FHOD3: variants seen among roughly 807,000 people sequenced by gnomAD.
FHOD3 encodes the protein FH1/FH2 domain-containing protein 3.
FHOD3 carries 90 observed loss-of-function variants against 173.0 expected under a neutral mutation model. The observed-to-expected ratio is 0.52, with a 90% CI of 0.44 to 0.62. The LOEUF (loss-of-function observed/expected upper bound fraction) is 0.62, where lower values mean the gene tolerates loss of function less well. Among genes scored for constraint, FHOD3 ranks in the 20% least tolerant of loss-of-function variants. FHOD3 has a pLI of 0.00. For synonymous variants in FHOD3, 828 were observed against 823.0 expected, an observed-to-expected ratio of 1.01 and a Z score of -0.10; for missense variants, 1,945 against 2,034.7, an observed-to-expected ratio of 0.96 and a Z score of 0.85.
chr18:36,553,861 A>G (rs1351337957), intron 5 of FHOD3, among the ~76,000 whole-genome samples: 6 of 152,356 alleles, frequency 3.9e-5, no homozygotes, highest in Admixed American at 6.5e-5. Flanking sequence ...GAAGACATTT[A>G]TGCAGCCAAG....
intron 3 of FHOD3, among the ~76,000 whole-genome samples, chr18:36,414,985 A>G (rs529798200): frequency 6.6e-6 from 1 of 152,288 alleles, no homozygotes; most frequent in South Asian, 2.1e-4. Context: ...TCAGTAGCCA[A>G]GGGACCTGGC....
Position 36,602,653 on chromosome 18 carries a change from T to C in FHOD3, c.719-21T>C, listed in dbSNP as rs1187741432. The C allele has an allele frequency of 3.2e-6, 5 of 1,551,436 alleles. No individual in the cohort carries two copies. The East Asian group carries it at 1.1e-4, about 35-fold the overall frequency. ...AATGTTGATGAATTGCTGTTTCTAA[T>C]GATTTTTGCTTTACTCATAGGGGTC... On this transcript the variant is annotated intron_variant, in intron 7 of 28. Coordinates refer to ENST00000590592, the MANE Select transcript of FHOD3 (RefSeq NM_001281740.3).
At chr18:36,696,695 T>A (rs1165586429) in intron 17 of FHOD3, among the ~76,000 whole-genome samples, 1 of 152,174 alleles carries the variant, frequency 6.6e-6, no homozygotes, top group Non-Finnish European at 1.5e-5. Flanking sequence ...CTGACCCTCT[T>A]GTGGGCTTAG....
In FHOD3 at chr18:36,494,186, C is replaced by G. The variant is rs111228067; in HGVS notation, c.338-7746C>G. Among the ~76,000 whole-genome samples the G allele has an allele frequency of 6.9e-3, 1,057 of 152,242 alleles. 15 individuals carry two copies. Among genetic ancestry groups the G allele is most frequent in the African/African-American group, 0.023 (970 of 41,544 alleles). On this transcript the variant is annotated intron_variant, in intron 3 of 28. Coordinates refer to ENST00000590592, the MANE Select transcript of FHOD3 (RefSeq NM_001281740.3). ...TGGCTGAACAGGAAGCATAGCACCCCTTTGGCTGTACTTTTCAGCACTGAT... is the reference window on the plus strand; with the variant it reads ...TGGCTGAACAGGAAGCATAGCACCCGTTTGGCTGTACTTTTCAGCACTGAT...
chr18:36,410,719 C>G (rs1361599464), intron 3 of FHOD3, among the ~76,000 whole-genome samples: 1 of 152,166 alleles, frequency 6.6e-6, no homozygotes, highest in Non-Finnish European at 1.5e-5. Flanking sequence ...AATTACATCT[C>G]AGCATGATTT....
At chr18:36,567,446 G>C (rs2058304596) in intron 5 of FHOD3, among the ~76,000 whole-genome samples, 1 of 152,276 alleles carries the variant, frequency 6.6e-6, no homozygotes, top group African/African-American at 2.4e-5. Context: ...TAAAAACAGA[G>C]CAAGGAGGAG....
At chr18:36,507,964 A>G (rs1349329121) in intron 4 of FHOD3, among the ~76,000 whole-genome samples, 1 of 152,222 alleles carries the variant, frequency 6.6e-6, no homozygotes, top group Non-Finnish European at 1.5e-5. Flanking sequence ...TGGCAGAGCT[A>G]CACAGCTAAT....
intron 10 of FHOD3, among the ~76,000 whole-genome samples, chr18:36,628,487 G>T (rs915857478): frequency 5.9e-5 from 9 of 152,202 alleles, no homozygotes; most frequent in Non-Finnish European, 1.2e-4. Flanking sequence ...TCTCCCTGTA[G>T]ACTTAAGCCA....
At chr18:36,740,505 G>T in intron 20 of FHOD3, 151 bp from the exon 21 acceptor site, 1 of 791,120 alleles carries the variant, frequency 1.3e-6, no homozygotes, top group Non-Finnish European at 2.0e-6. Context: ...GGGTCAAGTT[G>T]CTTCAAGTAT....
intron 3 of FHOD3, among the ~76,000 whole-genome samples, chr18:36,416,536 A>G (rs1378897661): frequency 6.6e-6 from 1 of 152,214 alleles, no homozygotes; most frequent in African/African-American, 2.4e-5. Flanking sequence ...CATTGGGTCA[A>G]TAGCACTTAC....
At chr18:36,586,434 C>G (rs1188411575) in intron 6 of FHOD3, among the ~76,000 whole-genome samples, 2 of 152,040 alleles carry the variant, frequency 1.3e-5, no homozygotes, top group African/African-American at 4.8e-5. Flanking sequence ...CGGGCAATAT[C>G]TTAGTGCAGG....
chr18:36,323,685 C>T (rs981011718), intron 1 of FHOD3, among the ~76,000 whole-genome samples: 1 of 152,224 alleles, frequency 6.6e-6, no homozygotes, highest in Non-Finnish European at 1.5e-5. Flanking sequence ...GTCACCAAGA[C>T]TGCTCTCCCT....
At position 36,576,561 on chromosome 18, in the gene FHOD3, G is replaced by A. The variant is rs1406337081; in HGVS notation, c.606+16G>A. 6.3e-7 allele frequency: 1 copy of A among 1,590,338 alleles called. No homozygotes were observed. Among genetic ancestry groups the A allele is most frequent in the Non-Finnish European group, 8.6e-7 (1 of 1,163,892 alleles). ...TGGGTCAAAGGTAAGGGGAAGTTAT[G>A]GTTGACTGTTTTGTTCACTTGTCAT... is the stretch of plus-strand genomic sequence containing the variant. On this transcript the variant is annotated intron_variant, in intron 6 of 28. Coordinates refer to ENST00000590592, the MANE Select transcript of FHOD3 (RefSeq NM_001281740.3).
intron 5 of FHOD3, among the ~76,000 whole-genome samples, chr18:36,515,269 G>C (rs1203599342): frequency 2.0e-5 from 3 of 152,162 alleles, no homozygotes; most frequent in African/African-American, 7.2e-5. Context: ...CCAGGCTGGA[G>C]TACAGTGGTG....
At chr18:36,433,565 G>A (rs1465560612) in intron 3 of FHOD3, among the ~76,000 whole-genome samples, 4 of 152,196 alleles carry the variant, frequency 2.6e-5, no homozygotes, top group Non-Finnish European at 5.9e-5. Flanking sequence ...AGGCTACTCA[G>A]TGTGATCTAT....
intron 5 of FHOD3, among the ~76,000 whole-genome samples, chr18:36,521,159 T>C (rs1417265911): frequency 6.6e-6 from 1 of 152,230 alleles, no homozygotes; most frequent in East Asian, 1.9e-4. Flanking sequence ...GGTGTGTTCA[T>C]AGATTTCTGC....
Position 36,625,507 on chromosome 18 carries a change from C to G in FHOD3, c.958-4C>G, listed in dbSNP as rs200239609. ...CTTGCACTGGGCGTGCTCTGCTTTT[C>G]CAGGTGGCGCTCAGGCACGAGGATG... On this transcript the variant is annotated splice_region_variant and splice_polypyrimidine_tract_variant and intron_variant, in intron 9 of 28. Transcript: ENST00000590592. 35 of 1,410,448 alleles carry G rather than the reference C, an allele frequency of 2.5e-5. No homozygotes were observed. The highest frequency in any genetic ancestry group is 3.2e-5 in the Non-Finnish European group (34 of 1,067,102). The allele number at this position is 1,410,448 out of a possible 1,614,324, so 87.4% of individuals were successfully genotyped here.
intron 9 of FHOD3, among the ~76,000 whole-genome samples, chr18:36,624,575 G>C (rs2033954636): frequency 6.6e-6 from 1 of 152,122 alleles, no homozygotes; most frequent in Admixed American, 6.5e-5. Context: ...GTTTTAATGG[G>C]AGGTGAGAAA....
intron 27 of FHOD3, among the ~76,000 whole-genome samples, chr18:36,767,322 G>C (rs2043182809): frequency 6.6e-6 from 1 of 151,754 alleles, no homozygotes; most frequent in Non-Finnish European, 1.5e-5. Flanking sequence ...AAAAAAAACT[G>C]TATCAGTAAT....
Sources: allele counts gnomAD v4.1 joint callset (sites outside exome capture counted in the v4.1 genomes callset), GRCh38; gene constraint gnomAD v4.1.1; transcripts MANE v1.5; gene names NCBI Gene and HGNC (gene_info 2026-07-23, HGNC 2026-07-21).